Variants in XIRP2 observed in about 807,000 individuals in gnomAD.
The protein encoded by XIRP2 is xin actin binding repeat containing 2, also known as xin actin-binding repeat-containing protein 2.
Under a neutral mutation model 277.0 loss-of-function variants are expected in XIRP2, and 236 were observed. That is an observed-to-expected ratio of 0.85 (90% CI 0.77 to 0.95). XIRP2 has a LOEUF of 0.95. Among genes scored for constraint, XIRP2 ranks in the 40% least tolerant of loss-of-function variants. XIRP2 has a pLI of 0.00. For synonymous variants in XIRP2, 1,490 were observed against 1,416.5 expected (o/e 1.05, Z -1.17); for missense variants, 4,640 against 4,157.5 (o/e 1.12, Z -3.19).
Position 167,245,914 on chromosome 2 carries a change from G to T in XIRP2, c.4522G>T (p.Gly1508Cys), listed in dbSNP as rs1337434645. 5 of 1,613,618 alleles carry T rather than the reference G, an allele frequency of 3.1e-6. No homozygotes were observed. The highest frequency in any genetic ancestry group is 1.1e-5 in the South Asian group (1 of 91,066). Residue 1508 changes from glycine (G) to cysteine (C), a missense_variant, in exon 9 of 11, where the codon GGT becomes TGT. Coordinates refer to ENST00000409195, the MANE Select transcript of XIRP2 (RefSeq NM_152381.6). ...TFDSIMEAHKGITKMTKEEIP... is the reference protein window; with the variant it reads ...TFDSIMEAHKCITKMTKEEIP... ...CGATTCTATTATGGAAGCACATAAA[G>T]GTATCACAAAAATGACCAAGGAAGA...
At chr2:167,139,762 T>C (rs562964276) in intron 3 of XIRP2, among the ~76,000 whole-genome samples, 1 of 152,328 alleles carries the variant, frequency 6.6e-6, no homozygotes, top group Admixed American at 6.5e-5. Context: ...TCTGTGATAA[T>C]GATAATAGAA....
chr2:167,258,248 A>C lies in XIRP2; in HGVS notation c.*431A>C, dbSNP rs1371941803. ...TAAACCTAAGTGGCCACCTGAAATG[A>C]CAACCCTGCTATCCCCTGAATTTAA... On this transcript the variant is annotated 3_prime_UTR_variant, in exon 11 of 11. Coordinates refer to ENST00000409195, the MANE Select transcript of XIRP2 (RefSeq NM_152381.6). The C allele has an allele frequency of 1.9e-6, 3 of 1,613,150 alleles. No homozygotes were observed. The highest frequency in any genetic ancestry group is 2.5e-6 in the Non-Finnish European group (3 of 1,179,632).
At chr2:166,960,088 A>G (rs767955234) in intron 2 of XIRP2, among the ~76,000 whole-genome samples, 38 of 151,820 alleles carry the variant, frequency 2.5e-4, no homozygotes, top group Admixed American at 1.6e-3. Flanking sequence ...AAATGATGTT[A>G]TTAACAATAA....
At chr2:167,188,964 C>G (rs758635148) in intron 3 of XIRP2, among the ~76,000 whole-genome samples, 5 of 152,196 alleles carry the variant, frequency 3.3e-5, no homozygotes, top group Non-Finnish European at 7.3e-5. Context: ...ATCATTTCTT[C>G]TGTGATTACA....
chr2:167,247,938 T>TGAAAG lies in XIRP2; in HGVS notation c.6546_6547insGAAAG (p.Gln2183GlufsTer8), dbSNP rs1695332616. 1.2e-6 allele frequency: 2 copies of TGAAAG among 1,610,492 alleles called. No homozygotes were observed. Among genetic ancestry groups the TGAAAG allele is most frequent in the Non-Finnish European group, 1.7e-6 (2 of 1,179,114 alleles). ...GAACTTACGACCTTTCAGGGGACTT[T>TGAAAG]CAGAAGCAAACTTTGTTAAAGCAAG... On this transcript the variant is annotated frameshift_variant, in exon 9 of 11. Coordinates refer to ENST00000409195, the MANE Select transcript of XIRP2 (RefSeq NM_152381.6). LOFTEE classifies it high-confidence loss of function.
chr2:167,123,895 T>C (rs542769637), intron 2 of XIRP2: 1 of 152,246 alleles, frequency 6.6e-6, no homozygotes, highest in East Asian at 1.9e-4. Context: ...CCCATAACAG[T>C]ATTCAATGAA....
chr2:167,214,895 A>G (rs1298553468), intron 4 of XIRP2, among the ~76,000 whole-genome samples: 1 of 152,146 alleles, frequency 6.6e-6, no homozygotes, highest in African/African-American at 2.4e-5. Context: ...TCCATTTTAT[A>G]GATGAGAGGC....
chr2:167,103,140 A>G (rs542245884), intron 2 of XIRP2, among the ~76,000 whole-genome samples: 1 of 152,230 alleles, frequency 6.6e-6, no homozygotes, highest in African/African-American at 2.4e-5. Context: ...TCCTGTCTCA[A>G]AAAAGGAAAG....
chr2:166,980,867 A>G (rs555603973), intron 2 of XIRP2, among the ~76,000 whole-genome samples: 1 of 152,052 alleles, frequency 6.6e-6, no homozygotes, highest in African/African-American at 2.4e-5. Context: ...AATTTTTAGA[A>G]TAACATTTTA....
At position 166,930,753 on chromosome 2, in the gene XIRP2, T is replaced by C. The variant is rs558754846; in HGVS notation, c.408+26863T>C. ...GCAAAAATAATTGCAGTTGAAATTC[T>C]GCTTTTTTCCTGCTATTTTCTCTTT... On this transcript the variant is annotated intron_variant, in intron 2 of 10. Transcript: ENST00000409195. Among the ~76,000 whole-genome samples the C allele has an allele frequency of 3.5e-3, 533 of 152,356 alleles. 5 individuals are homozygous for C. Among genetic ancestry groups the C allele is most frequent in the African/African-American group, 0.012 (514 of 41,602 alleles).
intron 2 of XIRP2, among the ~76,000 whole-genome samples, chr2:166,929,859 AC>A (rs1685282701): frequency 6.6e-6 from 1 of 152,126 alleles, no homozygotes; most frequent in South Asian, 2.1e-4. Flanking sequence ...CACGCTTTTG[AC>A]AGGAATAAAT....
intron 2 of XIRP2, among the ~76,000 whole-genome samples, chr2:166,904,156 A>G (rs1180825319): frequency 1.3e-5 from 2 of 152,138 alleles, no homozygotes; most frequent in Non-Finnish European, 2.9e-5. Flanking sequence ...TATGTGCCTT[A>G]TTTCTACAAC....
intron 2 of XIRP2, among the ~76,000 whole-genome samples, chr2:167,068,763 G>A (rs188702761): frequency 6.6e-6 from 1 of 152,216 alleles, no homozygotes; most frequent in Non-Finnish European, 1.5e-5. Context: ...CCCAGGGGTC[G>A]CATGCAGCCC....
chr2:167,219,000 G>T (rs943434156), intron 5 of XIRP2, among the ~76,000 whole-genome samples: 13 of 152,112 alleles, frequency 8.5e-5, no homozygotes, highest in African/African-American at 3.1e-4. Context: ...CATGAGGAAG[G>T]AGGCAACTGA....
intron 2 of XIRP2, among the ~76,000 whole-genome samples, chr2:166,942,347 G>A (rs1407835318): frequency 6.6e-6 from 1 of 152,192 alleles, no homozygotes; most frequent in Admixed American, 6.5e-5. Context: ...TTAATTTTGT[G>A]TAGCCCACAT....
At chr2:167,162,840 C>G (rs545382753) in intron 3 of XIRP2, among the ~76,000 whole-genome samples, 1 of 152,258 alleles carries the variant, frequency 6.6e-6, no homozygotes, top group East Asian at 1.9e-4. Context: ...GCCCAGAAGT[C>G]CAGAAGTAAC....
intron 2 of XIRP2, among the ~76,000 whole-genome samples, chr2:167,039,218 A>G (rs1398985536): frequency 6.6e-6 from 1 of 152,108 alleles, no homozygotes; most frequent in African/African-American, 2.4e-5. Context: ...GCAAGAAACA[A>G]CCTTACTCTT....
chr2:167,153,401 TA>T (rs1692078782), intron 3 of XIRP2, among the ~76,000 whole-genome samples: 1 of 152,176 alleles, frequency 6.6e-6, no homozygotes, highest in Admixed American at 6.6e-5. Context: ...AAATTTTTTT[TA>T]TTTTTTTATT....
intron 2 of XIRP2, among the ~76,000 whole-genome samples, chr2:167,111,107 A>G (rs1324853976): frequency 3.3e-5 from 5 of 152,122 alleles, no homozygotes; most frequent in African/African-American, 1.2e-4. Flanking sequence ...ATACCGAATT[A>G]CGTCAACTGC....
Sources: gnomAD v4.1 joint callset for allele counts (sites outside exome capture counted in the v4.1 genomes callset) on GRCh38, gnomAD v4.1.1 for gene constraint, MANE v1.5 for transcripts, NCBI Gene and HGNC (gene_info 2026-07-23, HGNC 2026-07-21) for gene names.